The following CFHR3 variants were observed in gnomAD, a reference collection of about 807,000 sequenced individuals.
CFHR3 encodes the protein complement factor H related 3, also known as complement factor H-related protein 3.
Under a neutral mutation model 36.0 loss-of-function variants are expected in CFHR3, and 22 were observed. The observed-to-expected ratio is 0.61, with a 90% confidence interval of 0.44 to 0.87. The LOEUF is 0.87. CFHR3 is among the 40% of genes least tolerant of loss of function. The probability of loss-of-function intolerance (pLI) is 0.00; values close to 1 mark genes in which losing one functional copy is unlikely to be tolerated. For synonymous variants in CFHR3, 97 were observed against 137.4 expected, an observed-to-expected ratio of 0.71 and a Z score of 2.06; for missense variants, 276 against 401.3, an observed-to-expected ratio of 0.69 and a Z score of 2.67.
Position 196,792,993 on chromosome 1 carries a change from C to A in CFHR3, c.797-324C>A, listed in dbSNP as rs188826801. Among the ~76,000 whole-genome samples, 1,299 of 134,622 alleles carry A rather than the reference C, an allele frequency of 9.6e-3. 226 individuals carry two copies. Among genetic ancestry groups the A allele is most frequent in the South Asian group, 0.034 (131 of 3,862 alleles). 88.3% of individuals were successfully genotyped at this position (134,622 alleles called of 152,430 possible). ...ATAAGTAACCATGACTCCAATGGAA[C>A]ATGTTAGCATAATCCTTTTTGATAT... is the stretch of plus-strand genomic sequence containing the variant. On this transcript the variant is annotated intron_variant, in intron 5 of 5. Transcript: ENST00000367425.
intron 3 of CFHR3, among the ~76,000 whole-genome samples, chr1:196,787,711 C>T (rs1488443956): frequency 7.3e-6 from 1 of 136,754 alleles, no homozygotes; most frequent in Non-Finnish European, 1.5e-5. Flanking sequence ...AACACCACGT[C>T]TATATGGGTT....
chr1:196,774,894 T>C lies in CFHR3; in HGVS notation c.8T>C (p.Leu3Ser). 1 of 1,528,250 alleles carries C rather than the reference T, an allele frequency of 6.5e-7. No individual in the cohort carries two copies. Among genetic ancestry groups the C allele is most frequent in the Non-Finnish European group, 8.9e-7 (1 of 1,129,250 alleles). 94.7% of individuals were successfully genotyped at this position (1,528,250 alleles called of 1,614,324 possible). A position where few individuals can be genotyped will look rare whatever the true frequency, so the allele number is the denominator to read the frequency against. The change falls in exon 1 of 6, where the codon TTA becomes TCA. Residue 3 changes from leucine (L) to serine (S), a missense_variant. Coordinates refer to ENST00000367425, the MANE Select transcript of CFHR3 (RefSeq NM_021023.6). The part of the protein sequence containing the change: ML[L>S]LINVILTLWV... ...CTACTGAGAATATCTAACATGTTGTTACTAATCAATGTCATTCTGACCTTG... is the reference window on the plus strand; with the variant it reads ...CTACTGAGAATATCTAACATGTTGTCACTAATCAATGTCATTCTGACCTTG...
chr1:196,786,589 G>A (rs1654212926), intron 3 of CFHR3, among the ~76,000 whole-genome samples: 1 of 136,062 alleles, frequency 7.3e-6, no homozygotes, highest in African/African-American at 3.1e-5. Flanking sequence ...AGACTCCGTG[G>A]GCATAGGACC....
In CFHR3 at chr1:196,786,499, T is replaced by C. The variant is rs1212541299; in HGVS notation, c.431-1717T>C. 1.5e-5 allele frequency among the ~76,000 whole-genome samples: 2 copies of C among 134,946 alleles called. 1 individual carries two copies. The highest frequency in any genetic ancestry group is 3.1e-5 in the Non-Finnish European group (2 of 64,364). The allele number at this position is 134,946 out of a possible 152,430, so 88.5% of individuals were successfully genotyped here. A position where few individuals can be genotyped will look rare whatever the true frequency, so the allele number is the denominator to read the frequency against. On this transcript the variant is annotated intron_variant, in intron 3 of 5. Coordinates refer to ENST00000367425, the MANE Select transcript of CFHR3 (RefSeq NM_021023.6). Reference sequence around the variant, plus strand: ...GCTGCTTTGTTTACCTAAGCAAGCCTGGGCAATGGCAGGCCCCCCTCCCCC... The same window carrying C: ...GCTGCTTTGTTTACCTAAGCAAGCCCGGGCAATGGCAGGCCCCCCTCCCCC...
rs1184096086 is a variant in CFHR3, at chr1:196,786,900, T to C, written c.431-1316T>C. Among the ~76,000 whole-genome samples the C allele has an allele frequency of 1.5e-5, 2 of 137,554 alleles. 1 individual carries two copies. The highest frequency in any genetic ancestry group is 1.4e-4 in the Admixed American group (2 of 14,298). The allele number at this position is 137,554 out of a possible 152,430, so 90.2% of individuals were successfully genotyped here. Reference sequence around the variant, plus strand: ...AGAAATCACCCGTCTTCTGCGTCGCTCACGCTGGGAGCTGTAGACCAGAGC... The same window carrying C: ...AGAAATCACCCGTCTTCTGCGTCGCCCACGCTGGGAGCTGTAGACCAGAGC... On this transcript the variant is annotated intron_variant, in intron 3 of 5. Coordinates refer to ENST00000367425, the MANE Select transcript of CFHR3 (RefSeq NM_021023.6).
rs1468630179 is a variant in CFHR3 at position 196,783,208 on chromosome 1, T to C, written c.430+3235T>C. ...TGTGCTGTTGGATTCGGTTTGCCAG[T>C]ATTTTATTGAGGATTTTTGTATCAA... On this transcript the variant is annotated intron_variant, in intron 3 of 5. Transcript: ENST00000367425. 1.5e-5 allele frequency among the ~76,000 whole-genome samples: 2 copies of C among 137,058 alleles called. 1 individual carries two copies. Among genetic ancestry groups the C allele is most frequent in the African/African-American group, 6.1e-5 (2 of 32,700 alleles). 89.9% of individuals were successfully genotyped at this position (137,058 alleles called of 152,430 possible). A position where few individuals can be genotyped will look rare whatever the true frequency, so the allele number is the denominator to read the frequency against.
chr1:196,779,394 TTTAAAAGA>T (rs1382266393), intron 2 of CFHR3, 38 bp downstream of exon 2: 1 of 1,337,274 alleles, frequency 7.5e-7, no homozygotes, highest in African/African-American at 1.8e-5. Flanking sequence ...TGTATAAAAC[TTTAAAAGA>T]TTAAAGAGAG....
At position 196,774,939 on chromosome 1, in the gene CFHR3, G is replaced by C. The variant is rs140313679; in HGVS notation, c.53G>C (p.Gly18Ala). The C allele has an allele frequency of 3.2e-3, 4,954 of 1,526,620 alleles. 894 individuals are homozygous for C. The highest frequency in any genetic ancestry group is 0.013 in the South Asian group (1,054 of 80,514). 94.6% of individuals were successfully genotyped at this position (1,526,620 alleles called of 1,614,324 possible). The change falls in exon 1 of 6, where the codon GGA becomes GCA. Residue 18 changes from glycine to alanine, a missense_variant. This residue lies in a region of CFHR3 where 178 missense variants were observed against 247.2 expected (regional missense o/e 0.72). Coordinates refer to ENST00000367425, the MANE Select transcript of CFHR3 (RefSeq NM_021023.6). ...ILTLWVSCANGQVKPCDFPDI... is the reference protein window; with the variant it reads ...ILTLWVSCANAQVKPCDFPDI... ...ACCTTGTGGGTTTCCTGTGCTAATG[G>C]ACAAGGTAAGTTAAAAGAGATCTAA... is the stretch of plus-strand genomic sequence containing the variant.
At position 196,793,407 on chromosome 1, in the gene CFHR3, A is replaced by T. The variant is rs750142129; in HGVS notation, c.887A>T (p.Asp296Val). 1.3e-6 allele frequency: 2 copies of T among 1,527,070 alleles called. No homozygotes were observed. Among genetic ancestry groups the T allele is most frequent in the Non-Finnish European group, 1.8e-6 (2 of 1,129,232 alleles). The allele number at this position is 1,527,070 out of a possible 1,614,324, so 94.6% of individuals were successfully genotyped here. A position where few individuals can be genotyped will look rare whatever the true frequency, so the allele number is the denominator to read the frequency against. ...AGAAAATATTATGCAAAAACAGGGG[A>T]TACCATTGAATTTATGTGTAAATTG... is the stretch of plus-strand genomic sequence containing the variant. ...SDRKYYAKTGDTIEFMCKLGY... is the reference protein window; with the variant it reads ...SDRKYYAKTGVTIEFMCKLGY... The change falls in exon 6 of 6, where the codon GAT becomes GTT. Residue 296 changes from aspartate to valine, a missense_variant. Asp to Val is a radical substitution (Grantham distance 152). Coordinates refer to ENST00000367425, the MANE Select transcript of CFHR3 (RefSeq NM_021023.6).
In CFHR3 at chr1:196,783,031, A is replaced by G. The variant is rs1310935650; in HGVS notation, c.430+3058A>G. Among the ~76,000 whole-genome samples the G allele has an allele frequency of 2.9e-5, 4 of 136,852 alleles. 1 individual carries two copies. The highest frequency in any genetic ancestry group is 5.1e-4 in the South Asian group (2 of 3,906). 89.8% of individuals were successfully genotyped at this position (136,852 alleles called of 152,430 possible). A position where few individuals can be genotyped will look rare whatever the true frequency, so the allele number is the denominator to read the frequency against. ...GCATGAAGCGTTGTTGAATTTTGTC[A>G]AAGGCCTTTTCTGCATCTATTGAGA... On this transcript the variant is annotated intron_variant, in intron 3 of 5. Transcript: ENST00000367425.
Position 196,782,311 on chromosome 1 carries a change from T to G in CFHR3, c.430+2338T>G, listed in dbSNP as rs1218415226. ...GCTCTTTTTTGGTTCCATATGAACT[T>G]TAAAGTACTTTTTTCCACTTTGGTG... On this transcript the variant is annotated intron_variant, in intron 3 of 5. Coordinates refer to ENST00000367425, the MANE Select transcript of CFHR3 (RefSeq NM_021023.6). Among the ~76,000 whole-genome samples the G allele has an allele frequency of 2.2e-5, 3 of 137,246 alleles. 1 individual carries two copies. Among genetic ancestry groups the G allele is most frequent in the Non-Finnish European group, 4.6e-5 (3 of 64,624 alleles). The allele number at this position is 137,246 out of a possible 152,430, so 90.0% of individuals were successfully genotyped here.
chr1:196,788,240 A>C lies in CFHR3; in HGVS notation c.455A>C (p.Glu152Ala). ...RVRTCSKSDI[E>A]IENGFISESS... ...GGAACATGCTCAAAATCAGATATAG[A>C]AATTGAAAATGGATTCATTTCCGAA... Residue 152 changes from glutamate to alanine, a missense_variant, in exon 4 of 6, where the codon GAA (glutamate) becomes GCA (alanine). Physicochemically the swap from Glu to Ala is moderately radical, Grantham distance 107. This residue lies in a region of CFHR3 where 178 missense variants were observed against 247.2 expected (regional missense o/e 0.72). Coordinates refer to ENST00000367425, the MANE Select transcript of CFHR3 (RefSeq NM_021023.6). The C allele has an allele frequency of 1.4e-6, 2 of 1,433,894 alleles. No homozygotes were observed. The highest frequency in any genetic ancestry group is 1.9e-6 in the Non-Finnish European group (2 of 1,069,066). The allele number at this position is 1,433,894 out of a possible 1,614,324, so 88.8% of individuals were successfully genotyped here.
chr1:196,779,499 C>A (rs1449952571), intron 2 of CFHR3, 143 bp downstream of exon 2: 1 of 776,666 alleles, frequency 1.3e-6, no homozygotes, highest in African/African-American at 2.2e-5. Context: ...CAAAATAGAT[C>A]TTTTCTATTA....
chr1:196,793,681 T>A lies in CFHR3; in HGVS notation c.*168T>A. The A allele has an allele frequency of 3.1e-6, 2 of 646,196 alleles. No individual in the cohort carries two copies. Among genetic ancestry groups the A allele is most frequent in the Non-Finnish European group, 4.8e-6 (2 of 412,464 alleles). The allele number at this position is 646,196 out of a possible 1,614,324, so 40.0% of individuals were successfully genotyped here. A position where few individuals can be genotyped will look rare whatever the true frequency, so the allele number is the denominator to read the frequency against. On this transcript the variant is annotated 3_prime_UTR_variant, in exon 6 of 6. Coordinates refer to ENST00000367425, the MANE Select transcript of CFHR3 (RefSeq NM_021023.6). ...TTGCAACTTAATATATTCTCAAAAATATATTAAAACAAACTAAATTATTGC... is the reference window on the plus strand; with the variant it reads ...TTGCAACTTAATATATTCTCAAAAAAATATTAAAACAAACTAAATTATTGC...
Position 196,791,600 on chromosome 1 carries a change from T to C in CFHR3, c.796+1373T>C, listed in dbSNP as rs1408759505. 2.3e-5 allele frequency among the ~76,000 whole-genome samples: 3 copies of C among 128,288 alleles called. 1 individual carries two copies. Among genetic ancestry groups the C allele is most frequent in the Admixed American group, 1.5e-4 (2 of 13,362 alleles). The allele number at this position is 128,288 out of a possible 152,430, so 84.2% of individuals were successfully genotyped here. On this transcript the variant is annotated intron_variant, in intron 5 of 5. Transcript: ENST00000367425. The stretch of plus-strand genomic sequence containing the variant: ...CTTTCATATTGACTGATGACGCTGA[T>C]ATTTTGGCTGATCTTACAATGGGCT...
At chr1:196,787,953 C>G (rs401188) in intron 3 of CFHR3, among the ~76,000 whole-genome samples, 1 of 135,624 alleles carries the variant, frequency 7.4e-6, no homozygotes, top group Non-Finnish European at 1.6e-5. Flanking sequence ...TAGATCTGCA[C>G]TCCTCAAGGA....
rs868549923 is a variant in CFHR3 at position 196,790,416 on chromosome 1, C to G, written c.796+189C>G. On this transcript the variant is annotated intron_variant, in intron 5 of 5. Coordinates refer to ENST00000367425, the MANE Select transcript of CFHR3 (RefSeq NM_021023.6). ...TTGGAAAATTCCATGTAAACAATGA[C>G]CAAGTTTCTTTTTTAAAACAGGAAT... 2.3e-4 allele frequency among the ~76,000 whole-genome samples: 30 copies of G among 129,230 alleles called. 6 individuals carry two copies. The highest frequency in any genetic ancestry group is 5.6e-4 in the South Asian group (2 of 3,570). The allele number at this position is 129,230 out of a possible 152,430, so 84.8% of individuals were successfully genotyped here.
In CFHR3 at chr1:196,789,478, A is replaced by T. The variant is rs1443119735; in HGVS notation, c.614-567A>T. 37 of 980,522 alleles carry T rather than the reference A, an allele frequency of 3.8e-5. 5 individuals are homozygous for T. The highest frequency in any genetic ancestry group is 4.4e-5 in the African/African-American group (2 of 45,668). The allele number at this position is 980,522 out of a possible 1,614,324, so 60.7% of individuals were successfully genotyped here. On this transcript the variant is annotated intron_variant, in intron 4 of 5. Transcript: ENST00000367425. ...CAGCTTTGATAAATGATCTACTTTAAAACTTGTGAAATAAAAGACAGGATG... is the reference window on the plus strand; with the variant it reads ...CAGCTTTGATAAATGATCTACTTTATAACTTGTGAAATAAAAGACAGGATG...
chr1:196,778,412 G>T (rs1653816125), intron 1 of CFHR3, among the ~76,000 whole-genome samples: 1 of 136,674 alleles, frequency 7.3e-6, no homozygotes, highest in South Asian at 2.6e-4. Flanking sequence ...CAATAAATAG[G>T]CTGTAAATAT....
Sources: allele counts gnomAD v4.1 joint callset (sites outside exome capture counted in the v4.1 genomes callset), GRCh38; gene constraint gnomAD v4.1.1; regional missense constraint gnomAD v4.1.1; transcripts MANE v1.5; gene names NCBI Gene and HGNC (gene_info 2026-07-23, HGNC 2026-07-21).